The following PALM variants were observed in gnomAD, a reference collection of about 807,000 sequenced individuals.
PALM encodes paralemmin.
A neutral mutation model predicts 30.7 loss-of-function variants in PALM; 18 were observed. The observed-to-expected ratio is 0.59, with a 90% CI of 0.41 to 0.87. PALM has a LOEUF of 0.87. Among genes scored for constraint, PALM ranks in the 40% least tolerant of loss-of-function variants. The probability of loss-of-function intolerance (pLI) is 0.00; values close to 1 mark genes in which losing one functional copy is unlikely to be tolerated. For synonymous variants in PALM, 286 were observed against 242.8 expected (o/e 1.18, Z -1.66); for missense variants, 529 against 555.4 (o/e 0.95, Z 0.48).
At chr19:714,224 G>C (rs535733475) in intron 1 of PALM, among the ~76,000 whole-genome samples, 3 of 146,596 alleles carry the variant, frequency 2.0e-5, no homozygotes, top group Non-Finnish European at 3.0e-5. Flanking sequence ...TTTTTTAGTA[G>C]AGACAGAGTT....
intron 5 of PALM, 51 bp downstream of exon 5, chr19:731,296 C>T: frequency 4.0e-6 from 6 of 1,498,916 alleles, no homozygotes; most frequent in South Asian, 2.5e-5. Context: ...CTCCCGCTGG[C>T]CCCAGAGCGA....
chr19:730,373 G>A (rs1171821416), intron 4 of PALM, among the ~76,000 whole-genome samples: 1 of 152,164 alleles, frequency 6.6e-6, no homozygotes, highest in African/African-American at 2.4e-5. Flanking sequence ...GCCAGACCCC[G>A]GGGCTGGGAT....
chr19:746,832 C>T lies in PALM; in HGVS notation c.*18C>T, dbSNP rs1023122554. ...TCATGTGAGCCGGCCCCCGAGACCC[C>T]GGCCCCCACCCCACACCACAGACAC... On this transcript the variant is annotated 3_prime_UTR_variant, in exon 9 of 9. Coordinates refer to ENST00000338448, the MANE Select transcript of PALM (RefSeq NM_002579.3). The surrounding 1 kb of genome is among the most constrained non-coding windows in gnomAD (Gnocchi z 7.1). 21 of 1,444,232 alleles carry T rather than the reference C, an allele frequency of 1.5e-5. No individual in the cohort carries two copies. Among genetic ancestry groups the T allele is most frequent in the East Asian group, 5.0e-5 (2 of 40,310 alleles). 89.5% of individuals were successfully genotyped at this position (1,444,232 alleles called of 1,614,324 possible).
intron 4 of PALM, 143 bp from the exon 5 acceptor site, chr19:730,952 G>A: frequency 1.7e-6 from 1 of 587,644 alleles, no homozygotes. Context: ...AGCGAGCCAA[G>A]ATCACGCCAT....
chr19:733,576 G>C (rs1283266326), intron 5 of PALM, among the ~76,000 whole-genome samples: 2 of 152,224 alleles, frequency 1.3e-5, no homozygotes, highest in Non-Finnish European at 2.9e-5. Flanking sequence ...AGGAGGCCAA[G>C]GGAGGAGGAT....
rs962387937 is a variant in PALM, at chr19:710,735, T to A, written c.5+1584T>A. 2.8e-5 allele frequency among the ~76,000 whole-genome samples: 4 copies of A among 141,444 alleles called. No homozygotes were observed. The Admixed American group carries it at 3.1e-4, about 11-fold the overall frequency. The allele number at this position is 141,444 out of a possible 152,430, so 92.8% of individuals were successfully genotyped here. ...CCTGCTCTGCTCCACGGTTTCTCCG[T>A]CCTGGGTCAGAGGGTGGCCCACAGG... On this transcript the variant is annotated intron_variant, in intron 1 of 8. Transcript: ENST00000338448.
intron 1 of PALM, among the ~76,000 whole-genome samples, chr19:715,182 C>G (rs1017459557): frequency 5.9e-5 from 9 of 152,152 alleles, no homozygotes; most frequent in Non-Finnish European, 2.9e-5. Flanking sequence ...GCAGGAGAAT[C>G]GCTTGAACCT....
chr19:719,397 G>A, intron 1 of PALM: 1 of 985,494 alleles, frequency 1.0e-6, no homozygotes. Flanking sequence ...GCCCTCGCCG[G>A]GCCCCGAGCC....
chr19:720,305 G>T (rs1175254329), intron 1 of PALM, among the ~76,000 whole-genome samples: 2 of 150,282 alleles, frequency 1.3e-5, no homozygotes, highest in Admixed American at 6.6e-5. Flanking sequence ...GGGCGGCGGC[G>T]CCCGGGTCTG....
chr19:729,931 C>G (rs1048622866), intron 4 of PALM, among the ~76,000 whole-genome samples: 8 of 152,196 alleles, frequency 5.3e-5, no homozygotes, highest in African/African-American at 1.9e-4. Context: ...GGGGGCTGGG[C>G]ACACTGGTGT....
At chr19:744,459 C>T (rs1294704328) in intron 8 of PALM, among the ~76,000 whole-genome samples, 1 of 151,262 alleles carries the variant, frequency 6.6e-6, no homozygotes, top group Non-Finnish European at 1.5e-5. Flanking sequence ...ACAGCCAAAG[C>T]AGACCTCAGA....
At chr19:728,326 G>A (rs1313149182) in intron 4 of PALM, among the ~76,000 whole-genome samples, 7 of 152,296 alleles carry the variant, frequency 4.6e-5, no homozygotes, top group African/African-American at 1.2e-4. Flanking sequence ...GATTCCAAAC[G>A]TCTGCCCTGG....
At chr19:729,486 G>A (rs55833764) in intron 4 of PALM, among the ~76,000 whole-genome samples, 2 of 101,878 alleles carry the variant, frequency 2.0e-5, no homozygotes, top group African/African-American at 7.2e-5. Flanking sequence ...TTTTTTTTGA[G>A]AAGGAGTCTC....
chr19:720,881 G>C lies in PALM; in HGVS notation c.6-5257G>C, dbSNP rs143277405. Among the ~76,000 whole-genome samples the C allele has an allele frequency of 5.9e-3, 903 of 152,316 alleles. 13 individuals carry two copies. Among genetic ancestry groups the C allele is most frequent in the African/African-American group, 0.02 (852 of 41,580 alleles). On this transcript the variant is annotated intron_variant, in intron 1 of 8. Transcript: ENST00000338448. ...GACCTGGGCAGTCGGCGACCAGCCT[G>C]ATCCTGGGGCCCAGGAGTTCCGCCG...
At chr19:733,114 C>T (rs1424852850) in intron 5 of PALM, among the ~76,000 whole-genome samples, 1 of 152,048 alleles carries the variant, frequency 6.6e-6, no homozygotes, top group Non-Finnish European at 1.5e-5. Context: ...TTAGTAGAGA[C>T]AGGGTTTGGC....
intron 5 of PALM, among the ~76,000 whole-genome samples, chr19:733,954 C>G (rs1292421014): frequency 2.6e-5 from 4 of 152,144 alleles, no homozygotes; most frequent in Non-Finnish European, 5.9e-5. Context: ...CCATTGCACT[C>G]CGGCCTGGGC....
chr19:732,629 G>A (rs1486993149), intron 5 of PALM, among the ~76,000 whole-genome samples: 1 of 152,174 alleles, frequency 6.6e-6, no homozygotes, highest in African/African-American at 2.4e-5. Context: ...AGGGGGCAGA[G>A]GTTGCAGTGA....
In PALM at chr19:727,016, G is replaced by A; in HGVS notation, c.66G>A (p.Arg22=). Residue 22 remains arginine, a synonymous_variant, in exon 3 of 9, where the codon CGG becomes CGA. Transcript: ENST00000338448. The part of the protein sequence containing the change: ...QERLQAIAEK[R]KRQAEIENKR... ...CCCGGCCCTCCCCACAGGAGAAGCG[G>A]AAGCGGCAGGCGGAGATCGAGAACA... 1 of 1,531,744 alleles carries A rather than the reference G, an allele frequency of 6.5e-7. No individual in the cohort carries two copies. Among genetic ancestry groups the A allele is most frequent in the Non-Finnish European group, 8.8e-7 (1 of 1,134,048 alleles). The allele number at this position is 1,531,744 out of a possible 1,614,324, so 94.9% of individuals were successfully genotyped here. A position where few individuals can be genotyped will look rare whatever the true frequency, so the allele number is the denominator to read the frequency against.
rs5826707 is a variant in PALM, at chr19:745,686, G to GAA, written c.635-584_635-583dup. ...CTCCAGCCTGGGCAGCTCCATCTCA[G>GAA]AAAAAAAAAAAAAAAATCCCAATTC... On this transcript the variant is annotated intron_variant, in intron 8 of 8. Transcript: ENST00000338448. 2.7e-3 allele frequency among the ~76,000 whole-genome samples: 365 copies of GAA among 137,312 alleles called. 3 individuals are homozygous for GAA. The highest frequency in any genetic ancestry group is 3.9e-3 in the Middle Eastern group (1 of 258). 90.1% of individuals were successfully genotyped at this position (137,312 alleles called of 152,430 possible).
Sources: allele counts gnomAD v4.1 joint callset (sites outside exome capture counted in the v4.1 genomes callset), GRCh38; gene constraint gnomAD v4.1.1; non-coding constraint Gnocchi (gnomAD v3.1); transcripts MANE v1.5; gene names NCBI Gene and HGNC (gene_info 2026-07-23, HGNC 2026-07-21).